SEMA6D: variants seen among roughly 807,000 people sequenced by gnomAD.
SEMA6D encodes the protein semaphorin 6D, also known as semaphorin-6D.
SEMA6D carries 35 observed loss-of-function variants against 106.6 expected under a neutral mutation model. That is an observed-to-expected ratio of 0.33 (90% CI 0.25 to 0.44). The LOEUF is 0.44. SEMA6D is among the 20% of genes least tolerant of loss of function. The probability of loss-of-function intolerance (pLI) is 1.00; values close to 1 mark genes in which losing one functional copy is unlikely to be tolerated. For missense variants in SEMA6D, 1,185 were observed against 1,345.9 expected (o/e 0.88, Z 1.87); for synonymous variants, 499 against 487.7 (o/e 1.02, Z -0.31).
intron 1 of SEMA6D, among the ~76,000 whole-genome samples, chr15:47,245,089 T>C (rs1317616633): frequency 6.6e-6 from 1 of 152,092 alleles, no homozygotes; most frequent in Non-Finnish European, 1.5e-5. Context: ...ATTTTCTTTA[T>C]CCAATCCAAC....
At chr15:47,635,913 G>C (rs2077378593) in intron 4 of SEMA6D, among the ~76,000 whole-genome samples, 2 of 145,902 alleles carry the variant, frequency 1.4e-5, no homozygotes, top group Non-Finnish European at 3.0e-5. Flanking sequence ...TAGCAATGAA[G>C]ACTGCACCTG....
intron 1 of SEMA6D, among the ~76,000 whole-genome samples, chr15:47,287,313 A>G (rs1049143513): frequency 6.6e-6 from 1 of 152,362 alleles, no homozygotes; most frequent in South Asian, 2.1e-4. Flanking sequence ...GTAGTGGCTG[A>G]TTAGTTACTG....
intron 4 of SEMA6D, among the ~76,000 whole-genome samples, chr15:47,677,096 G>A (rs542299417): frequency 1.3e-5 from 2 of 152,254 alleles, no homozygotes; most frequent in South Asian, 4.1e-4. Context: ...GCAGAGCTCA[G>A]GTGATAATGC....
At chr15:47,251,730 T>C (rs1045190645) in intron 1 of SEMA6D, among the ~76,000 whole-genome samples, 1 of 152,088 alleles carries the variant, frequency 6.6e-6, no homozygotes, top group African/African-American at 2.4e-5. Flanking sequence ...TTTTCTTCTA[T>C]ATTTGTTATT....
chr15:47,555,873 T>G (rs772521951), intron 3 of SEMA6D, among the ~76,000 whole-genome samples: 6 of 152,074 alleles, frequency 3.9e-5, no homozygotes, highest in Non-Finnish European at 5.9e-5. Context: ...AATAAATTAT[T>G]TAGAAATGAC....
chr15:47,552,905 T>TATATATATAA (rs1483274186), intron 3 of SEMA6D, among the ~76,000 whole-genome samples: 1 of 94,838 alleles, frequency 1.1e-5, no homozygotes, highest in Non-Finnish European at 2.0e-5. Flanking sequence ...TATATATATA[T>TATATATATAA]AAATATATAT....
intron 1 of SEMA6D, chr15:47,184,437 C>G (rs1893396528): frequency 6.6e-6 from 1 of 152,302 alleles, no homozygotes; most frequent in South Asian, 2.1e-4. Flanking sequence ...TCCCTTTTCT[C>G]TCCATTTCTC....
intron 1 of SEMA6D, among the ~76,000 whole-genome samples, chr15:47,272,296 G>A (rs1246151905): frequency 1.3e-5 from 2 of 152,150 alleles, no homozygotes; most frequent in East Asian, 3.9e-4. Context: ...CATAGTAGGG[G>A]AGAAGTCAAT....
intron 1 of SEMA6D, among the ~76,000 whole-genome samples, chr15:47,404,720 G>A (rs1203765983): frequency 6.6e-6 from 1 of 152,138 alleles, no homozygotes; most frequent in African/African-American, 2.4e-5. Flanking sequence ...CAGCTCACAT[G>A]CTATTTTGCT....
At chr15:47,241,274 G>A (rs910532613) in intron 1 of SEMA6D, 2 of 152,068 alleles carry the variant, frequency 1.3e-5, no homozygotes, top group Non-Finnish European at 2.9e-5. Context: ...GTTAAACTTG[G>A]GGCTTGGGAA....
chr15:47,690,748 A>T (rs1377961990), intron 4 of SEMA6D, among the ~76,000 whole-genome samples: 3 of 152,126 alleles, frequency 2.0e-5, no homozygotes, highest in Non-Finnish European at 1.5e-5. Flanking sequence ...TTTAGTTTTT[A>T]GTTTTTAGAA....
intron 1 of SEMA6D, among the ~76,000 whole-genome samples, chr15:47,735,487 A>C (rs1206606373): frequency 6.6e-6 from 1 of 152,240 alleles, no homozygotes; most frequent in Non-Finnish European, 1.5e-5. Flanking sequence ...TTAATGGCAG[A>C]CACAGACTTC....
intron 1 of SEMA6D, among the ~76,000 whole-genome samples, chr15:47,308,651 G>A (rs187600671): frequency 1.5e-4 from 23 of 152,254 alleles, no homozygotes; most frequent in African/African-American, 5.1e-4. Context: ...TGACAATGCC[G>A]TGAAGAGTTG....
At chr15:47,200,744 A>G (rs1173877894) in intron 1 of SEMA6D, among the ~76,000 whole-genome samples, 3 of 152,214 alleles carry the variant, frequency 2.0e-5, no homozygotes, top group Non-Finnish European at 2.9e-5. Flanking sequence ...TTTTCAAAAA[A>G]TTGCCCTACA....
chr15:47,188,456 G>A (rs747897849), intron 1 of SEMA6D, among the ~76,000 whole-genome samples: 5 of 152,128 alleles, frequency 3.3e-5, no homozygotes, highest in Non-Finnish European at 7.4e-5. Context: ...GCAAATTAAT[G>A]ATTGTGTGTA....
At position 47,770,856 on chromosome 15, in the gene SEMA6D, C is replaced by A. The variant is rs1785168642; in HGVS notation, c.2293C>A (p.Pro765Thr). 6.2e-7 allele frequency: 1 copy of A among 1,614,038 alleles called. No homozygotes were observed. Among genetic ancestry groups the A allele is most frequent in the Non-Finnish European group, 8.5e-7 (1 of 1,179,998 alleles). The change falls in exon 19 of 19, where the codon CCT becomes ACT. Residue 765 changes from proline to threonine, a missense_variant. This residue lies in a region of SEMA6D where 750 missense variants were observed against 783.5 expected (regional missense o/e 0.96). Transcript: ENST00000536845. ...KSMVMDHRGQ[P>T]PELAALPTPE... ...CATGGTAATGGACCATCGAGGGCAA[C>A]CTCCAGAGTTGGCTGCTCTTCCTAC... is the stretch of plus-strand genomic sequence containing the variant.
At chr15:47,312,309 C>T (rs893099157) in intron 1 of SEMA6D, among the ~76,000 whole-genome samples, 2 of 152,180 alleles carry the variant, frequency 1.3e-5, no homozygotes, top group African/African-American at 4.8e-5. Context: ...TCTGATACTG[C>T]CCTTCCTAGT....
At chr15:47,574,453 A>G (rs1457891873) in intron 3 of SEMA6D, among the ~76,000 whole-genome samples, 4 of 152,206 alleles carry the variant, frequency 2.6e-5, no homozygotes, top group African/African-American at 9.6e-5. Context: ...AATTCTATAT[A>G]CACATCAATT....
At chr15:47,493,968 G>A (rs1432021910) in intron 3 of SEMA6D, among the ~76,000 whole-genome samples, 1 of 152,102 alleles carries the variant, frequency 6.6e-6, no homozygotes, top group Non-Finnish European at 1.5e-5. Flanking sequence ...CTAAATTTAT[G>A]CAACATGAAA....
Sources: allele counts gnomAD v4.1 joint callset (sites outside exome capture counted in the v4.1 genomes callset), GRCh38; gene constraint gnomAD v4.1.1; regional missense constraint gnomAD v4.1.1; transcripts MANE v1.5; gene names NCBI Gene and HGNC (gene_info 2026-07-23, HGNC 2026-07-21).